The following ZNF717 variants were observed in gnomAD, a reference collection of about 807,000 sequenced individuals.
ZNF717 encodes the protein zinc finger protein 717.
In ZNF717, 9 loss-of-function variants were observed where a neutral mutation model predicts 13.8. That is an observed-to-expected ratio of 0.65 (90% CI 0.39 to 1.14). The LOEUF is 1.14. Ranked by LOEUF, ZNF717 falls within the 50% of genes most tolerant of loss-of-function variation. The probability of loss-of-function intolerance (pLI) is 0.01; values close to 1 mark genes in which losing one functional copy is unlikely to be tolerated. For synonymous variants in ZNF717, 327 were observed against 364.1 expected, an observed-to-expected ratio of 0.90 and a Z score of 1.16; for missense variants, 1,040 against 1,080.7, an observed-to-expected ratio of 0.96 and a Z score of 0.53.
downstream of ZNF717, among the ~76,000 whole-genome samples, chr3:75,729,169 G>A (rs1256831831): frequency 6.6e-6 from 1 of 152,002 alleles, no homozygotes; most frequent in East Asian, 1.9e-4. Flanking sequence ...TAGGCAGAGG[G>A]GTGAGAACAG....
rs1939694902 is a variant in ZNF717 at position 75,738,078 on chromosome 3, G to A, written c.1545C>T (p.Thr515=). The part of the protein sequence containing the change: ...KPYECNECGK[T]FRCKSFLTVH... ...CAGTGAGGAATGACTTACAGCGAAA[G>A]GTTTTCCCACATTCATTGCATTCGT... Residue 515 remains threonine (T), a synonymous_variant, in exon 5 of 5, where the codon ACC becomes ACT. Transcript: ENST00000652011. The A allele has an allele frequency of 3.7e-6, 5 of 1,347,576 alleles. No homozygotes were observed. The highest frequency in any genetic ancestry group is 5.0e-6 in the Non-Finnish European group (5 of 1,009,200). The allele number at this position is 1,347,576 out of a possible 1,614,324, so 83.5% of individuals were successfully genotyped here.
chr3:75,698,148 C>CA (rs61557684), intron 6 of ZNF717, among the ~76,000 whole-genome samples: 2,101 of 149,220 alleles, frequency 0.014, no homozygotes, highest in East Asian at 0.04. Flanking sequence ...CATGTTCTAG[C>CA]AAAAAAAAAA....
At chr3:75,752,200 T>C (rs1376478927) in intron 2 of ZNF717, among the ~76,000 whole-genome samples, 2 of 151,880 alleles carry the variant, frequency 1.3e-5, no homozygotes, top group Non-Finnish European at 2.9e-5. Context: ...AGAACACTGC[T>C]ACGAGGGTCT....
chr3:75,730,941 T>C (rs1426514529), downstream of ZNF717, among the ~76,000 whole-genome samples: 2 of 152,248 alleles, frequency 1.3e-5, no homozygotes, highest in Admixed American at 6.5e-5. Flanking sequence ...GATTTCTGCA[T>C]GTAAGAAGCT....
intron 2 of ZNF717, among the ~76,000 whole-genome samples, chr3:75,779,907 A>T (rs563739123): frequency 2.0e-5 from 3 of 152,014 alleles, no homozygotes; most frequent in African/African-American, 7.2e-5. Flanking sequence ...CAGAAACCCA[A>T]AACAACGGGA....
downstream of ZNF717, chr3:75,732,191 T>C (rs1294961958): frequency 1.4e-6 from 1 of 699,404 alleles, no homozygotes; most frequent in African/African-American, 1.8e-5. Context: ...AGGCTTATCC[T>C]CAGGAGAAAT....
At chr3:75,749,399 T>C (rs1270459473) in intron 2 of ZNF717, among the ~76,000 whole-genome samples, 1 of 152,102 alleles carries the variant, frequency 6.6e-6, no homozygotes, top group Non-Finnish European at 1.5e-5. Flanking sequence ...GTCTGAATGT[T>C]TGTCCCTCAC....
chr3:75,734,733 C>CAACTGGTAGGTATAGGAGATGGCCA (rs1282816946), downstream of ZNF717, among the ~76,000 whole-genome samples: 1 of 120,688 alleles, frequency 8.3e-6, no homozygotes, highest in African/African-American at 2.9e-5. Flanking sequence ...CCGTACCTGG[C>CAACTGGTAGGTATAGGAGATGGCCA]TGCTTTTTAT....
chr3:75,699,110 A>G (rs1242842039), intron 6 of ZNF717, among the ~76,000 whole-genome samples: 1 of 152,312 alleles, frequency 6.6e-6, no homozygotes, highest in Non-Finnish European at 1.5e-5. Flanking sequence ...CTTTTGGCTG[A>G]TTTCTTCCTT....
intron 2 of ZNF717, among the ~76,000 whole-genome samples, chr3:75,766,290 CACAA>C (rs1306070155): frequency 1.3e-5 from 2 of 151,560 alleles, no homozygotes; most frequent in South Asian, 2.1e-4. Context: ...AACACAAAGA[CACAA>C]ACAAACTATG....
chr3:75,696,765 T>C (rs372818052), intron 6 of ZNF717, among the ~76,000 whole-genome samples: 1 of 152,300 alleles, frequency 6.6e-6, no homozygotes, highest in Non-Finnish European at 1.5e-5. Flanking sequence ...CGGTGGTGGG[T>C]GCCTGTAATC....
At chr3:75,696,734 A>T (rs145392564) in intron 6 of ZNF717, among the ~76,000 whole-genome samples, 15,412 of 149,278 alleles carry the variant, frequency 0.1, no homozygotes, top group East Asian at 0.2. Flanking sequence ...CTCTACTAAA[A>T]ATACAAAAAT....
chr3:75,735,344 T>C (rs1443923807), downstream of ZNF717, among the ~76,000 whole-genome samples: 4 of 151,954 alleles, frequency 2.6e-5, no homozygotes, highest in Non-Finnish European at 5.9e-5. Flanking sequence ...AAAACCAAAG[T>C]ATAGAAATGC....
chr3:75,749,363 T>C lies in ZNF717; in HGVS notation c.58-7627A>G, dbSNP rs1367486645. The stretch of plus-strand genomic sequence containing the variant: ...GGGTTCCAAGTGTCTGTCCTTCATA[T>C]AGGATTCCAGAACACTTCAACGAGG... On this transcript the variant is annotated intron_variant, in intron 2 of 4. Coordinates refer to ENST00000652011, the MANE Select transcript of ZNF717 (RefSeq NM_001290208.3). 9.2e-5 allele frequency among the ~76,000 whole-genome samples: 14 copies of C among 151,732 alleles called. No homozygotes were observed. The South Asian group carries it at 2.1e-3, about 23-fold the overall frequency.
exon 6 of ZNF717, chr3:75,709,808 T>C (rs1324776020): frequency 2.0e-5 from 3 of 152,180 alleles, no homozygotes; most frequent in African/African-American, 4.8e-5. Context: ...AACTTTCACG[T>C]TTCCCTTTTG....
At chr3:75,711,574 T>C (rs1209812850) in intron 5 of ZNF717, among the ~76,000 whole-genome samples, 2 of 152,136 alleles carry the variant, frequency 1.3e-5, no homozygotes, top group Non-Finnish European at 2.9e-5. Flanking sequence ...GGCAGGTAGA[T>C]CACTTCAACT....
downstream of ZNF717, among the ~76,000 whole-genome samples, chr3:75,705,434 T>G (rs1203077524): frequency 6.6e-6 from 1 of 152,290 alleles, no homozygotes; most frequent in Non-Finnish European, 1.5e-5. Context: ...GATTACCCTT[T>G]TAATGCAAGT....
chr3:75,744,655 G>A (rs1339910168), intron 2 of ZNF717, among the ~76,000 whole-genome samples: 3 of 152,220 alleles, frequency 2.0e-5, no homozygotes, highest in Admixed American at 6.5e-5. Flanking sequence ...AGTTATTGTC[G>A]GGGAGGGGGC....
At chr3:75,744,751 G>A (rs75903396) in intron 2 of ZNF717, among the ~76,000 whole-genome samples, 34 of 152,122 alleles carry the variant, frequency 2.2e-4, no homozygotes, top group Non-Finnish European at 3.4e-4. Context: ...TCAACCTTTC[G>A]GAAGGAAAAA....
Sources: gnomAD v4.1 joint callset for allele counts (sites outside exome capture counted in the v4.1 genomes callset) on GRCh38, gnomAD v4.1.1 for gene constraint, MANE v1.5 for transcripts, NCBI Gene and HGNC (gene_info 2026-07-23, HGNC 2026-07-21) for gene names.